Variants in TRIM24 observed in about 807,000 individuals in gnomAD.
TRIM24 encodes the protein transcription intermediary factor 1-alpha.
Under a neutral mutation model 123.9 loss-of-function variants are expected in TRIM24, and 29 were observed. The ratio of observed to expected loss-of-function variants is 0.23; its 90% CI spans 0.17 to 0.32. The LOEUF (loss-of-function observed/expected upper bound fraction) is 0.32. Ranked by LOEUF, TRIM24 falls within the 10% of genes least tolerant of loss-of-function variation. TRIM24 has a pLI of 1.00. For synonymous variants in TRIM24, 456 were observed against 461.1 expected (o/e 0.99, Z 0.14); for missense variants, 932 against 1,295.3 (o/e 0.72, Z 4.31).
intron 10 of TRIM24, 50 bp downstream of exon 10, chr7:138,567,704 T>C (rs779432313): frequency 1.3e-6 from 2 of 1,497,374 alleles, no homozygotes; most frequent in East Asian, 2.4e-5. Flanking sequence ...GCTTTCTACT[T>C]TCAAATCACA....
intron 16 of TRIM24, among the ~76,000 whole-genome samples, chr7:138,581,356 A>G (rs1383954230): frequency 6.6e-6 from 1 of 152,214 alleles, no homozygotes; most frequent in Non-Finnish European, 1.5e-5. Flanking sequence ...GTCTGGATGC[A>G]TATTGAGAAG....
chr7:138,569,382 G>A (rs1797606420), intron 10 of TRIM24, among the ~76,000 whole-genome samples: 1 of 152,208 alleles, frequency 6.6e-6, no homozygotes, highest in Admixed American at 6.5e-5. Flanking sequence ...TTAAGTAGTA[G>A]ATGAGTTTAA....
intron 1 of TRIM24, among the ~76,000 whole-genome samples, chr7:138,465,746 CAT>C (rs1563019949): frequency 6.6e-6 from 1 of 152,044 alleles, no homozygotes; most frequent in Non-Finnish European, 1.5e-5. Flanking sequence ...TAAAAATATA[CAT>C]ATTTTTATTC....
At chr7:138,508,042 G>T (rs1282218979) in intron 2 of TRIM24, among the ~76,000 whole-genome samples, 8 of 151,926 alleles carry the variant, frequency 5.3e-5, no homozygotes, top group African/African-American at 1.9e-4. Context: ...ACAATGGTTT[G>T]TTTCTATAAG....
chr7:138,504,447 CTTTTTTTTTTTTTTTT>C, intron 2 of TRIM24, 39 bp downstream of exon 2: 2 of 155,216 alleles, frequency 1.3e-5, no homozygotes, highest in African/African-American at 5.0e-5. Flanking sequence ...CCTGCCAGCT[CTTTTTTTTTTTTTTTT>C]TTTTTTTTTT....
intron 6 of TRIM24, among the ~76,000 whole-genome samples, chr7:138,538,133 C>T (rs140638670): frequency 3.0e-4 from 45 of 152,326 alleles, no homozygotes; most frequent in African/African-American, 1.0e-3. Context: ...TCTCAATAGA[C>T]AAATAATATG....
intron 1 of TRIM24, among the ~76,000 whole-genome samples, chr7:138,475,350 G>C (rs907057604): frequency 6.6e-5 from 10 of 152,304 alleles, no homozygotes; most frequent in African/African-American, 2.2e-4. Context: ...GAAGGAGGTG[G>C]TGGGAAGGGT....
At position 138,460,470 on chromosome 7, in the gene TRIM24, G is replaced by T; in HGVS notation, c.-79G>T. ...ACCGAGCGGCCTCTGAGGAGCAGCC[G>T]CAGGAGGAGGAGGAGGTCGTCGGGG... On this transcript the variant is annotated 5_prime_UTR_variant, in exon 1 of 19. Transcript: ENST00000343526. 1 of 1,241,514 alleles carries T rather than the reference G, an allele frequency of 8.1e-7. No homozygotes were observed. The highest frequency in any genetic ancestry group is 1.6e-5 in the African/African-American group (1 of 64,056). 76.9% of individuals were successfully genotyped at this position (1,241,514 alleles called of 1,614,324 possible). A position where few individuals can be genotyped will look rare whatever the true frequency, so the allele number is the denominator to read the frequency against.
At chr7:138,486,226 C>T (rs1795643347) in intron 1 of TRIM24, among the ~76,000 whole-genome samples, 1 of 152,050 alleles carries the variant, frequency 6.6e-6, no homozygotes, top group South Asian at 2.1e-4. Context: ...TTTGTAGATT[C>T]TGGATATTAG....
intron 2 of TRIM24, 47 bp from the exon 3 acceptor site, chr7:138,515,165 A>G: frequency 6.3e-7 from 1 of 1,584,320 alleles, no homozygotes; most frequent in Non-Finnish European, 8.6e-7. Context: ...AGATAGGACC[A>G]CCTTTTCATT....
chr7:138,489,889 C>T (rs1304681515), intron 1 of TRIM24, among the ~76,000 whole-genome samples: 2 of 152,060 alleles, frequency 1.3e-5, no homozygotes, highest in Non-Finnish European at 2.9e-5. Context: ...TGAATTTGAA[C>T]GTTGGCCTGC....
In TRIM24 at chr7:138,570,807, TTCTTC is replaced by T; in HGVS notation, c.1705-16_1705-12del. On this transcript the variant is annotated intron_variant, in intron 10 of 18. Coordinates refer to ENST00000343526, the MANE Select transcript of TRIM24 (RefSeq NM_015905.3). ...TTTATAAGCTTGTTGATAGCCTTTG[TTCTTC>T]TCTTCTTGTTACTGTAGTGGCAGAT... is the stretch of plus-strand genomic sequence containing the variant. The T allele has an allele frequency of 6.2e-7, 1 of 1,612,234 alleles. No homozygotes were observed. The highest frequency in any genetic ancestry group is 8.5e-7 in the Non-Finnish European group (1 of 1,179,096).
intron 9 of TRIM24, among the ~76,000 whole-genome samples, chr7:138,564,413 G>A (rs942277870): frequency 2.6e-5 from 4 of 152,186 alleles, no homozygotes; most frequent in African/African-American, 9.7e-5. Flanking sequence ...CAGTAAATGG[G>A]GGTAGATTGG....
At chr7:138,461,347 G>A (rs745625714) in intron 1 of TRIM24, 1 of 431,652 alleles carries the variant, frequency 2.3e-6, no homozygotes, top group Non-Finnish European at 4.6e-6. Flanking sequence ...CGTTATTTGA[G>A]CTGCAGGGGA....
chr7:138,532,963 CT>C (rs1304096601), intron 6 of TRIM24, among the ~76,000 whole-genome samples: 1 of 152,110 alleles, frequency 6.6e-6, no homozygotes, highest in Non-Finnish European at 1.5e-5. Flanking sequence ...GTATTTTATT[CT>C]CTTCGAAGCA....
chr7:138,573,540 A>G lies in TRIM24; in HGVS notation c.1912A>G (p.Ile638Val), dbSNP rs563303163. ...DCSSTIMLDN[I>V]VRKDTNIDHG... ...TTCAAGTACTATTATGCTGGACAAT[A>G]TTGTGAGGAAAGATACTAATATAGA... The change falls in exon 12 of 19, where the codon ATT (isoleucine) becomes GTT (valine). Residue 638 changes from isoleucine to valine, a missense_variant. Around this residue, in one of 7 missense-constraint regions of TRIM24, gnomAD observed 527 missense variants for 691.3 expected, o/e 0.76. Coordinates refer to ENST00000343526, the MANE Select transcript of TRIM24 (RefSeq NM_015905.3). 1.2e-6 allele frequency: 2 copies of G among 1,612,814 alleles called. No homozygotes were observed. The highest frequency in any genetic ancestry group is 1.1e-5 in the South Asian group (1 of 90,670).
chr7:138,583,683 G>A (rs1443992132), intron 17 of TRIM24, among the ~76,000 whole-genome samples, 167 bp from the exon 18 acceptor site: 2 of 152,148 alleles, frequency 1.3e-5, no homozygotes, highest in African/African-American at 4.8e-5. Flanking sequence ...GTGTGTGGAA[G>A]GCAGTGGGCA....
chr7:138,549,827 T>C (rs1195152481), intron 7 of TRIM24, among the ~76,000 whole-genome samples: 3 of 152,148 alleles, frequency 2.0e-5, no homozygotes, highest in Admixed American at 1.3e-4. Context: ...TGAAAATTAC[T>C]GGGCAGGCAA....
chr7:138,508,366 G>C (rs1020873531), intron 2 of TRIM24, among the ~76,000 whole-genome samples: 1 of 152,152 alleles, frequency 6.6e-6, no homozygotes, highest in Non-Finnish European at 1.5e-5. Flanking sequence ...TCATCAGGAA[G>C]CATATGGTGT....
Sources: gnomAD v4.1 joint callset for allele counts (sites outside exome capture counted in the v4.1 genomes callset) on GRCh38, gnomAD v4.1.1 for gene constraint, gnomAD v4.1.1 regional missense constraint, MANE v1.5 for transcripts, NCBI Gene and HGNC (gene_info 2026-07-23, HGNC 2026-07-21) for gene names.